RAB38: variants seen among roughly 807,000 people sequenced by gnomAD.
The protein encoded by RAB38 is ras-related protein Rab-38.
A neutral mutation model predicts 18.4 loss-of-function variants in RAB38; 15 were observed. The observed-to-expected ratio is 0.82, with a 90% CI of 0.55 to 1.26. RAB38 has a LOEUF of 1.26. Ranked by LOEUF, RAB38 falls within the 50% of genes most tolerant of loss-of-function variation. RAB38 has a pLI of 0.00. For missense variants in RAB38, 294 were observed against 267.4 expected (o/e 1.10, Z -0.69); for synonymous variants, 101 against 104.4 (o/e 0.97, Z 0.20).
chr11:87,935,578 G>A, the RAB38 span, among the ~76,000 whole-genome samples: 6 of 152,032 alleles, frequency 3.9e-5, no homozygotes, highest in Non-Finnish European at 7.4e-5. Context: ...TTCACATGAA[G>A]TTGTAAGAAA....
the RAB38 span, among the ~76,000 whole-genome samples, chr11:87,812,816 C>G: frequency 2.0e-5 from 3 of 152,278 alleles, no homozygotes; most frequent in East Asian, 1.9e-4. Flanking sequence ...GAATTTAGGT[C>G]AGCAGTGAAT....
chr11:87,848,215 A>G, the RAB38 span, among the ~76,000 whole-genome samples: 2 of 152,310 alleles, frequency 1.3e-5, no homozygotes, highest in African/African-American at 4.8e-5. Flanking sequence ...CAAGCTCTTC[A>G]GAGAAACAGG....
chr11:87,941,212 GAGAT>G, the RAB38 span, among the ~76,000 whole-genome samples: 211 of 37,804 alleles, frequency 5.6e-3, 10 homozygotes, highest in African/African-American at 0.016. Context: ...ATAAATATAT[GAGAT>G]ATATATATAT....
the RAB38 span, among the ~76,000 whole-genome samples, chr11:88,086,406 T>A: frequency 1.3e-5 from 2 of 151,940 alleles, no homozygotes; most frequent in African/African-American, 4.8e-5. Flanking sequence ...AGGGTATTGA[T>A]ATAACCACTT....
the RAB38 span, among the ~76,000 whole-genome samples, chr11:88,052,923 TA>T: frequency 4.2e-5 from 1 of 23,678 alleles, no homozygotes. Flanking sequence ...TATATATATA[TA>T]TATATATATA....
the RAB38 span, among the ~76,000 whole-genome samples, chr11:87,950,326 C>G: frequency 5.3e-5 from 8 of 152,006 alleles, no homozygotes; most frequent in African/African-American, 1.9e-4. Context: ...ACTGATGGGT[C>G]TTTACTCTAT....
chr11:87,812,536 G>A, the RAB38 span, among the ~76,000 whole-genome samples: 1 of 152,186 alleles, frequency 6.6e-6, no homozygotes, highest in Non-Finnish European at 1.5e-5. Flanking sequence ...ATTATGAAGA[G>A]TCTTTTGGGA....
At chr11:88,063,306 A>G in the RAB38 span, among the ~76,000 whole-genome samples, 1 of 152,192 alleles carries the variant, frequency 6.6e-6, no homozygotes, top group African/African-American at 2.4e-5. Context: ...ATCCCCACAC[A>G]CAAAACATTG....
chr11:88,085,620 A>C, the RAB38 span, among the ~76,000 whole-genome samples: 1 of 152,052 alleles, frequency 6.6e-6, no homozygotes, highest in East Asian at 1.9e-4. Flanking sequence ...TTTATGAAAT[A>C]AATGGGGATT....
chr11:87,843,287 A>G, the RAB38 span, among the ~76,000 whole-genome samples: 3 of 152,178 alleles, frequency 2.0e-5, no homozygotes, highest in Non-Finnish European at 2.9e-5. Context: ...TTATCCTTAT[A>G]TAGACTTTTA....
At chr11:87,807,254 AT>A in the RAB38 span, among the ~76,000 whole-genome samples, 119 of 152,348 alleles carry the variant, frequency 7.8e-4, no homozygotes, top group Non-Finnish European at 1.3e-3. Flanking sequence ...TGCATAGAAA[AT>A]ATTTTCTTCA....
the RAB38 span, among the ~76,000 whole-genome samples, chr11:88,062,982 T>C: frequency 2.0e-5 from 3 of 152,212 alleles, no homozygotes; most frequent in Non-Finnish European, 4.4e-5. Flanking sequence ...TTTTTATATG[T>C]TGGAAATTCT....
Position 88,169,014 on chromosome 11 carries a change from T to C in RAB38, c.202+6169A>G, listed in dbSNP as rs1395903138. ...TCTGGGAAGATAAATTTGGCTTTGA[T>C]ACACCTGAGAACTGGAGGAGGCAGA... is the stretch of plus-strand genomic sequence containing the variant. On this transcript the variant is annotated intron_variant, in intron 1 of 2. Coordinates refer to ENST00000243662, the MANE Select transcript of RAB38 (RefSeq NM_022337.3). Among the ~76,000 whole-genome samples, 6 of 152,236 alleles carry C rather than the reference T, an allele frequency of 3.9e-5. No homozygotes were observed. The South Asian group carries it at 1.0e-3, about 26-fold the overall frequency.
chr11:87,976,620 T>TATATATAATTTTACATG, the RAB38 span, among the ~76,000 whole-genome samples: 1 of 107,878 alleles, frequency 9.3e-6, no homozygotes, highest in Non-Finnish European at 1.8e-5. Flanking sequence ...TTTTACATGA[T>TATATATAATTTTACATG]ATATAAATAT....
At chr11:87,941,431 G>C in the RAB38 span, among the ~76,000 whole-genome samples, 3 of 151,112 alleles carry the variant, frequency 2.0e-5, no homozygotes, top group African/African-American at 7.3e-5. Context: ...ATGTTGAGTT[G>C]AGTTTCTCAA....
At chr11:87,958,450 T>C in the RAB38 span, among the ~76,000 whole-genome samples, 3 of 152,176 alleles carry the variant, frequency 2.0e-5, no homozygotes, top group South Asian at 2.1e-4. Context: ...CCTTTCTTCA[T>C]ACCTATCTTA....
In RAB38 at chr11:88,126,917, C is replaced by G. The variant is rs190083801; in HGVS notation, c.484-12777G>C. Reference sequence around the variant, plus strand: ...CAATAGTGCTGGCATGCAATAGGCACTGAAAATAAAGCACTTGGAAAACAA... The same window carrying G: ...CAATAGTGCTGGCATGCAATAGGCAGTGAAAATAAAGCACTTGGAAAACAA... On this transcript the variant is annotated intron_variant, in intron 2 of 2. Coordinates refer to ENST00000243662, the MANE Select transcript of RAB38 (RefSeq NM_022337.3). 3.9e-5 allele frequency among the ~76,000 whole-genome samples: 6 copies of G among 152,236 alleles called. No individual in the cohort carries two copies. The East Asian group carries it at 1.2e-3, about 29-fold the overall frequency.
the RAB38 span, among the ~76,000 whole-genome samples, chr11:88,004,135 C>A: frequency 5.4e-5 from 8 of 147,362 alleles, no homozygotes; most frequent in African/African-American, 9.9e-5. Flanking sequence ...TATTAAAATA[C>A]TGATAAAATA....
intron 2 of RAB38, among the ~76,000 whole-genome samples, chr11:88,120,316 T>C (rs1308555062): frequency 6.6e-6 from 1 of 152,222 alleles, no homozygotes; most frequent in Non-Finnish European, 1.5e-5. Flanking sequence ...GGCTTCTGCC[T>C]ATATTTTCTC....
Sources: gnomAD v4.1 joint callset for allele counts (sites outside exome capture counted in the v4.1 genomes callset) on GRCh38, gnomAD v4.1.1 for gene constraint, MANE v1.5 for transcripts, NCBI Gene and HGNC (gene_info 2026-07-23, HGNC 2026-07-21) for gene names.